The following EPB41L3 variants were observed in gnomAD, a reference collection of about 807,000 sequenced individuals.
EPB41L3 encodes band 4.1-like protein 3.
A neutral mutation model predicts 127.1 loss-of-function variants in EPB41L3; 57 were observed. The ratio of observed to expected loss-of-function variants is 0.45; its 90% CI spans 0.36 to 0.56. EPB41L3 has a LOEUF of 0.56. Ranked by LOEUF, EPB41L3 falls within the 20% of genes least tolerant of loss-of-function variation. The pLI, the probability that EPB41L3 is intolerant of heterozygous loss-of-function variation, is 0.00. For missense variants in EPB41L3, 1,273 were observed against 1,372.2 expected, an observed-to-expected ratio of 0.93 and a Z score of 1.14; for synonymous variants, 572 against 549.5, an observed-to-expected ratio of 1.04 and a Z score of -0.57.
rs2079357413 is a variant in EPB41L3, at chr18:5,433,888, C to T, written c.824+15G>A. 6.2e-7 allele frequency: 1 copy of T among 1,613,824 alleles called. No individual in the cohort carries two copies. Among genetic ancestry groups the T allele is most frequent in the Non-Finnish European group, 8.5e-7 (1 of 1,179,700 alleles). On this transcript the variant is annotated intron_variant, in intron 7 of 22. Transcript: ENST00000341928. ...ATCAAGGCACAACTTAAATGAACAC[C>T]TTTCTGCCTCTAACCTGTGGCTCTT...
At chr18:5,398,204 A>T (rs2073909262) in intron 16 of EPB41L3, 61 bp from the exon 17 acceptor site, 1 of 1,596,076 alleles carries the variant, frequency 6.3e-7, no homozygotes, top group Admixed American at 1.7e-5. Flanking sequence ...CAGGCACATA[A>T]ACATTCACAG....
At chr18:5,610,029 G>A (rs1265749235) in intron 3 of EPB41L3, 1 of 888,290 alleles carries the variant, frequency 1.1e-6, no homozygotes, top group Non-Finnish European at 1.3e-6. Flanking sequence ...TGGGCAGTGT[G>A]CTCACAGGCA....
At chr18:5,513,421 G>A (rs2092624944) in intron 1 of EPB41L3, among the ~76,000 whole-genome samples, 1 of 152,184 alleles carries the variant, frequency 6.6e-6, no homozygotes, top group African/African-American at 2.4e-5. Context: ...AAGAGAAGGT[G>A]ACAGTGCAGA....
chr18:5,571,458 A>G (rs890621553), intron 3 of EPB41L3, among the ~76,000 whole-genome samples: 3 of 152,144 alleles, frequency 2.0e-5, no homozygotes, highest in African/African-American at 7.2e-5. Context: ...GATTAATTGT[A>G]CTCAGCGTGA....
chr18:5,452,349 G>T (rs1568237875), intron 3 of EPB41L3, among the ~76,000 whole-genome samples: 1 of 150,982 alleles, frequency 6.6e-6, no homozygotes, highest in Non-Finnish European at 1.5e-5. Flanking sequence ...CAGTAAAATT[G>T]GTTTACACAG....
At chr18:5,577,714 G>C (rs1030550196) in intron 3 of EPB41L3, 2 of 160,022 alleles carry the variant, frequency 1.2e-5, no homozygotes, top group African/African-American at 4.8e-5. Context: ...GTGTCATGGG[G>C]CCACCTATGA....
At chr18:5,396,909 G>A in intron 18 of EPB41L3, 149 bp downstream of exon 18, 3 of 801,878 alleles carry the variant, frequency 3.7e-6, no homozygotes, top group Non-Finnish European at 5.9e-6. Context: ...CTCCTACTAG[G>A]TATGAAAGAA....
chr18:5,472,442 T>C (rs2086326481), intron 3 of EPB41L3, among the ~76,000 whole-genome samples: 2 of 152,198 alleles, frequency 1.3e-5, no homozygotes, highest in East Asian at 3.9e-4. Flanking sequence ...TGGTTTGATG[T>C]AAGTTCTTCA....
chr18:5,560,035 A>T (rs2094101828), intron 3 of EPB41L3, among the ~76,000 whole-genome samples: 1 of 152,174 alleles, frequency 6.6e-6, no homozygotes, highest in Non-Finnish European at 1.5e-5. Context: ...CACCATCCAG[A>T]TGTGAAAATA....
intron 10 of EPB41L3, 48 bp from the exon 11 acceptor site, chr18:5,423,601 T>G: frequency 3.3e-6 from 5 of 1,512,892 alleles, no homozygotes; most frequent in Non-Finnish European, 4.5e-6. Flanking sequence ...AGTCCAATAT[T>G]GAGAGTGCTT....
rs1298939796 is a variant in EPB41L3, at chr18:5,524,305, C to T, written c.-12+19608G>A. On this transcript the variant is annotated intron_variant, in intron 1 of 22. Coordinates refer to ENST00000341928, the MANE Select transcript of EPB41L3 (RefSeq NM_012307.5). ...GCCTCCCGGGTTTAACCAAGTCTCC[C>T]GCCGCAGCCTCCCAAGTAGCTGGGA... Among the ~76,000 whole-genome samples the T allele has an allele frequency of 9.2e-5, 14 of 152,046 alleles. No homozygotes were observed. The South Asian group carries it at 1.0e-3, about 11-fold the overall frequency.
intron 3 of EPB41L3, chr18:5,577,427 C>CGGAGA: frequency 2.4e-6 from 1 of 421,424 alleles, no homozygotes; most frequent in Non-Finnish European, 4.7e-6. Flanking sequence ...CATTGACTCT[C>CGGAGA]CGGCTTCTAT....
chr18:5,414,342 G>T (rs757862809), intron 13 of EPB41L3, among the ~76,000 whole-genome samples: 1 of 152,102 alleles, frequency 6.6e-6, no homozygotes, highest in Non-Finnish European at 1.5e-5. Context: ...TATAACTCAA[G>T]AACCTTGAAA....
Position 5,445,217 on chromosome 18 carries a change from C to T in EPB41L3, c.409G>A (p.Asp137Asn). 1 of 1,614,002 alleles carries T rather than the reference C, an allele frequency of 6.2e-7. No homozygotes were observed. Among genetic ancestry groups the T allele is most frequent in the South Asian group, 1.1e-5 (1 of 91,064 alleles). Residue 137 changes from aspartate (D) to asparagine (N), a missense_variant, in exon 4 of 23, where the codon GAT (aspartate) becomes AAT (asparagine). Coordinates refer to ENST00000341928, the MANE Select transcript of EPB41L3 (RefSeq NM_012307.5). The stretch of plus-strand genomic sequence containing the variant: ...AAGTTCAAGTGTTCACACACTTTAT[C>T]AAACAGCACTTGTCCTCTGGAGCGT... Reference protein sequence around the residue: ...EKRSRGQVLFDKVCEHLNLLE... With the variant: ...EKRSRGQVLFNKVCEHLNLLE...
intron 3 of EPB41L3, among the ~76,000 whole-genome samples, chr18:5,607,333 G>A (rs903029100): frequency 3.9e-5 from 6 of 152,322 alleles, no homozygotes; most frequent in East Asian, 1.9e-4. Context: ...AGTGTCAGGC[G>A]ATGGAAAACA....
intron 3 of EPB41L3, among the ~76,000 whole-genome samples, chr18:5,471,089 C>T (rs1413112342): frequency 2.0e-5 from 3 of 152,054 alleles, no homozygotes; most frequent in Middle Eastern, 3.2e-3. Context: ...GCAGAGTGGG[C>T]GTCAGGCAGG....
At chr18:5,625,361 A>G (rs964338560) in intron 1 of EPB41L3, among the ~76,000 whole-genome samples, 3 of 152,138 alleles carry the variant, frequency 2.0e-5, no homozygotes, top group Admixed American at 6.5e-5. Flanking sequence ...TTACCACCAC[A>G]CCACGGGGAC....
At chr18:5,584,817 C>T (rs1422426032) in intron 3 of EPB41L3, among the ~76,000 whole-genome samples, 1 of 152,172 alleles carries the variant, frequency 6.6e-6, no homozygotes, top group Non-Finnish European at 1.5e-5. Flanking sequence ...ATTATTTCAT[C>T]TGATTCAAAG....
intron 1 of EPB41L3, among the ~76,000 whole-genome samples, chr18:5,512,637 C>A (rs570925870): frequency 1.1e-4 from 16 of 152,150 alleles, no homozygotes; most frequent in African/African-American, 3.6e-4. Context: ...AAAGGAGGAC[C>A]ATTGAGGAAT....
Sources: allele counts gnomAD v4.1 joint callset (sites outside exome capture counted in the v4.1 genomes callset), GRCh38; gene constraint gnomAD v4.1.1; transcripts MANE v1.5; gene names NCBI Gene and HGNC (gene_info 2026-07-23, HGNC 2026-07-21).